DUSP4: variants seen among roughly 807,000 people sequenced by gnomAD.
The protein encoded by DUSP4 is dual specificity protein phosphatase 4.
In DUSP4, 12 loss-of-function variants were observed where a neutral mutation model predicts 27.2. The ratio of observed to expected loss-of-function variants is 0.44; its 90% CI spans 0.28 to 0.71. The LOEUF is 0.71. DUSP4 is among the 30% of genes least tolerant of loss of function. DUSP4 has a pLI of 0.14. For synonymous variants in DUSP4, 257 were observed against 245.2 expected (o/e 1.05, Z -0.45); for missense variants, 448 against 551.3 (o/e 0.81, Z 1.88).
At chr8:29,345,666 G>A in intron 1 of DUSP4, 1 of 1,443,194 alleles carries the variant, frequency 6.9e-7, no homozygotes, top group Non-Finnish European at 9.0e-7. Flanking sequence ...TCATTTTTCT[G>A]AGCAGTCCAT....
intron 1 of DUSP4, chr8:29,348,493 C>G (rs1336872612): frequency 1.0e-6 from 1 of 985,508 alleles, no homozygotes; most frequent in Non-Finnish European, 1.2e-6. Context: ...GAAAAATCAG[C>G]AAAATCGCCT....
intron 1 of DUSP4, chr8:29,347,695 G>C (rs772522839): frequency 4.2e-4 from 399 of 960,856 alleles, no homozygotes; most frequent in Non-Finnish European, 4.8e-4. Flanking sequence ...GGCCGACTAC[G>C]AGAGGCAGTG....
At chr8:29,341,670 A>G (rs1817657609) in intron 1 of DUSP4, among the ~76,000 whole-genome samples, 2 of 152,102 alleles carry the variant, frequency 1.3e-5, no homozygotes, top group Non-Finnish European at 2.9e-5. Flanking sequence ...CTCGGCAGCC[A>G]CTTCATCACA....
At position 29,348,809 on chromosome 8, in the gene DUSP4, C is replaced by T. The variant is rs1817777637; in HGVS notation, c.433+1037G>A. 12 of 984,962 alleles carry T rather than the reference C, an allele frequency of 1.2e-5. 1 individual carries two copies. The South Asian group carries it at 2.3e-4, about 19-fold the overall frequency. 61.0% of individuals were successfully genotyped at this position (984,962 alleles called of 1,614,324 possible). ...GGTGTGGGGGGGTCTGAACTGCCTA[C>T]CGGGCTCGGAAGCGCAGACCCTACC... On this transcript the variant is annotated intron_variant, in intron 1 of 3. Transcript: ENST00000240100.
At chr8:29,338,645 G>A in intron 2 of DUSP4, 144 bp from the exon 3 acceptor site, 6 of 886,132 alleles carry the variant, frequency 6.8e-6, no homozygotes, top group Non-Finnish European at 1.0e-5. Flanking sequence ...GCCTCCCCCT[G>A]TAGCCTCCTG....
chr8:29,338,177 T>C (rs1222889237), intron 3 of DUSP4, 105 bp downstream of exon 3: 1 of 1,186,788 alleles, frequency 8.4e-7, no homozygotes, highest in East Asian at 2.4e-5. Context: ...TGGGGACCCT[T>C]GGATTCAGTG....
rs1444976144 is a variant in DUSP4, at chr8:29,342,121, C to T, written c.434-1878G>A. ...GTGGCCCAGGAGTGCCAGGGCAGGC[C>T]CCACGGTCACAGAGCAGAGTGGCCC... On this transcript the variant is annotated intron_variant, in intron 1 of 3. Coordinates refer to ENST00000240100, the MANE Select transcript of DUSP4 (RefSeq NM_001394.7). Among the ~76,000 whole-genome samples the T allele has an allele frequency of 2.0e-5, 3 of 152,032 alleles. No homozygotes were observed. The South Asian group carries it at 6.2e-4, about 32-fold the overall frequency.
Position 29,336,892 on chromosome 8 carries a change from T to C in DUSP4, c.*134A>G. 6 of 1,321,334 alleles carry C rather than the reference T, an allele frequency of 4.5e-6. No homozygotes were observed. Among genetic ancestry groups the C allele is most frequent in the Non-Finnish European group, 5.0e-6 (5 of 998,244 alleles). 81.9% of individuals were successfully genotyped at this position (1,321,334 alleles called of 1,614,324 possible). On this transcript the variant is annotated 3_prime_UTR_variant, in exon 4 of 4. Coordinates refer to ENST00000240100, the MANE Select transcript of DUSP4 (RefSeq NM_001394.7). Reference sequence around the variant, plus strand: ...ATTGCCATTCTGGCTGGCCTCGTCGTTGGCCAAGGAGAAATGATGGGGAAG... The same window carrying C: ...ATTGCCATTCTGGCTGGCCTCGTCGCTGGCCAAGGAGAAATGATGGGGAAG...
chr8:29,342,584 G>A (rs981092205), intron 1 of DUSP4, among the ~76,000 whole-genome samples: 43 of 152,146 alleles, frequency 2.8e-4, no homozygotes, highest in African/African-American at 1.0e-3. Flanking sequence ...CTTGGTTTCC[G>A]GAGACCTCCA....
At chr8:29,345,322 A>C in intron 1 of DUSP4, 1 of 1,605,260 alleles carries the variant, frequency 6.2e-7, no homozygotes. Context: ...GTAAGCACCT[A>C]TGTAAATGCT....
chr8:29,349,720 G>A (rs1269223990), intron 1 of DUSP4, 126 bp downstream of exon 1: 2 of 1,326,820 alleles, frequency 1.5e-6, no homozygotes, highest in Non-Finnish European at 2.0e-6. Flanking sequence ...CACACACAAA[G>A]GGGCGCGCGG....
intron 1 of DUSP4, among the ~76,000 whole-genome samples, chr8:29,344,951 C>T (rs1323988347): frequency 1.3e-5 from 2 of 152,128 alleles, no homozygotes; most frequent in Non-Finnish European, 2.9e-5. Flanking sequence ...AAGCAATCTC[C>T]TTGCTTCAGC....
intron 1 of DUSP4, chr8:29,348,830 C>T (rs1587053796): frequency 8.1e-6 from 8 of 984,578 alleles, no homozygotes; most frequent in Middle Eastern, 5.2e-4. Context: ...AGCGCAGACC[C>T]TACCCGCGCG....
rs1817806545 is a variant in DUSP4, at chr8:29,350,406, C to G, written c.-128G>C. The G allele has an allele frequency of 1.8e-6, 2 of 1,114,814 alleles. No individual in the cohort carries two copies. Among genetic ancestry groups the G allele is most frequent in the Non-Finnish European group, 2.5e-6 (2 of 810,840 alleles). 69.1% of individuals were successfully genotyped at this position (1,114,814 alleles called of 1,614,324 possible). Reference sequence around the variant, plus strand: ...CAGAAGTGGCCGCAAACTTGGTCCTCAAGGGCTCCCGCGGGAGAGCCTCTT... The same window carrying G: ...CAGAAGTGGCCGCAAACTTGGTCCTGAAGGGCTCCCGCGGGAGAGCCTCTT... On this transcript the variant is annotated 5_prime_UTR_variant, in exon 1 of 4. Transcript: ENST00000240100.
intron 1 of DUSP4, among the ~76,000 whole-genome samples, chr8:29,341,542 TA>T (rs1329268611): frequency 2.6e-5 from 4 of 152,174 alleles, no homozygotes; most frequent in African/African-American, 7.2e-5. Context: ...CCTCAGGATA[TA>T]AATGGATCTC....
rs1362552408 is a variant in DUSP4, at chr8:29,337,168, C to T, written c.1043G>A (p.Gly348Glu). The change falls in exon 4 of 4, where the codon GGA becomes GAA. Residue 348 changes from glycine (G) to glutamate (E), a missense_variant. Gly to Glu is a moderately conservative substitution (Grantham distance 98). Transcript: ENST00000240100. This position sits in a 1 kb window ranked among gnomAD's most constrained non-coding sequence, Gnocchi z 6.4. ...GGTCTTGCCCCGCTCCCGCAGGGGTCCCGAGGGGCTAGCAGCCTCCGCAGC... is the reference window on the plus strand; with the variant it reads ...GGTCTTGCCCCGCTCCCGCAGGGGTTCCGAGGGGCTAGCAGCCTCCGCAGC... Reference protein sequence around the residue: ...SCAAEAASPSGPLRERGKTPA... With the variant: ...SCAAEAASPSEPLRERGKTPA... The T allele has an allele frequency of 3.1e-6, 5 of 1,611,956 alleles. No individual in the cohort carries two copies. Among genetic ancestry groups the T allele is most frequent in the Non-Finnish European group, 4.2e-6 (5 of 1,179,162 alleles).
chr8:29,347,455 C>G (rs1307889346), intron 1 of DUSP4, among the ~76,000 whole-genome samples: 1 of 152,226 alleles, frequency 6.6e-6, no homozygotes, highest in Non-Finnish European at 1.5e-5. Context: ...GCCCAGTTAA[C>G]CTCAACGATG....
In DUSP4 at chr8:29,336,205, T is replaced by TG. The variant is rs1817570658; in HGVS notation, c.*820_*821insC. 1 of 151,770 alleles carries TG rather than the reference T, an allele frequency of 6.6e-6. No homozygotes were observed. Among genetic ancestry groups the TG allele is most frequent in the African/African-American group, 2.4e-5 (1 of 41,266 alleles). 9.4% of individuals were successfully genotyped at this position (151,770 alleles called of 1,614,324 possible). Reference sequence around the variant, plus strand: ...GCAACATAGTGAGATGCTGTCTTTTTCTTTTCTTTTTTTTTTAAAAAGCAA... The same window carrying TG: ...GCAACATAGTGAGATGCTGTCTTTTTGCTTTTCTTTTTTTTTTAAAAAGCAA... On this transcript the variant is annotated 3_prime_UTR_variant, in exon 4 of 4. Coordinates refer to ENST00000240100, the MANE Select transcript of DUSP4 (RefSeq NM_001394.7).
At chr8:29,340,799 G>A (rs1215515912) in intron 1 of DUSP4, among the ~76,000 whole-genome samples, 2 of 152,128 alleles carry the variant, frequency 1.3e-5, no homozygotes, top group Non-Finnish European at 2.9e-5. Flanking sequence ...AGAGGAAAAC[G>A]GGCTTAAATC....
Sources: gnomAD v4.1 joint callset for allele counts (sites outside exome capture counted in the v4.1 genomes callset) on GRCh38, gnomAD v4.1.1 for gene constraint, Gnocchi (gnomAD v3.1) non-coding constraint, MANE v1.5 for transcripts, NCBI Gene and HGNC (gene_info 2026-07-23, HGNC 2026-07-21) for gene names.